CRB1: variants seen among roughly 807,000 people sequenced by gnomAD.
CRB1 encodes crumbs cell polarity complex component 1.
In CRB1, 83 loss-of-function variants were observed where a neutral mutation model predicts 120.0. That is an observed-to-expected ratio of 0.69 (90% CI 0.58 to 0.83). The LOEUF is 0.83. Among genes scored for constraint, CRB1 ranks in the 40% least tolerant of loss-of-function variants. The pLI is 0.00. For synonymous variants in CRB1, 625 were observed against 612.5 expected (o/e 1.02, Z -0.30); for missense variants, 1,699 against 1,687.6 (o/e 1.01, Z -0.12).
chr1:197,349,520 C>G (rs570525511), intron 4 of CRB1, among the ~76,000 whole-genome samples: 3 of 152,280 alleles, frequency 2.0e-5, no homozygotes, highest in African/African-American at 7.2e-5. Flanking sequence ...TCATCTGTCT[C>G]TCTCTCCCCA....
At chr1:197,324,814 T>C (rs539084017) in intron 1 of CRB1, among the ~76,000 whole-genome samples, 4 of 152,282 alleles carry the variant, frequency 2.6e-5, no homozygotes, top group African/African-American at 9.6e-5. Flanking sequence ...AGATGGTAAA[T>C]ACTAGAACCA....
chr1:197,344,864 A>G (rs1468246403), intron 3 of CRB1, among the ~76,000 whole-genome samples: 1 of 152,226 alleles, frequency 6.6e-6, no homozygotes, highest in Non-Finnish European at 1.5e-5. Flanking sequence ...AATCCTTTTA[A>G]AGTGTTATAT....
the CRB1 span, among the ~76,000 whole-genome samples, chr1:197,227,917 C>T: frequency 1.3e-5 from 2 of 152,196 alleles, no homozygotes; most frequent in African/African-American, 2.4e-5. Flanking sequence ...TTCTGTGCAC[C>T]CACAAGCTCA....
At chr1:197,258,950 G>T in the CRB1 span, among the ~76,000 whole-genome samples, 1 of 152,146 alleles carries the variant, frequency 6.6e-6, no homozygotes, top group East Asian at 1.9e-4. Flanking sequence ...TATTGAAAAG[G>T]TATCAATTAT....
chr1:197,300,388 G>T (rs1389955487), intron 1 of CRB1, among the ~76,000 whole-genome samples: 1 of 151,942 alleles, frequency 6.6e-6, no homozygotes, highest in Non-Finnish European at 1.5e-5. Context: ...AAAAGTGAAA[G>T]AGCCTTTTTG....
At chr1:197,208,792 C>A in the CRB1 span, among the ~76,000 whole-genome samples, 7 of 152,122 alleles carry the variant, frequency 4.6e-5, no homozygotes, top group African/African-American at 1.7e-4. Flanking sequence ...ATAGAGCTCC[C>A]AAAGAACTAT....
chr1:197,374,806 C>A (rs1337199793), intron 5 of CRB1, among the ~76,000 whole-genome samples: 1 of 152,020 alleles, frequency 6.6e-6, no homozygotes, highest in Non-Finnish European at 1.5e-5. Context: ...TCTTTCAGTA[C>A]TCCTTGACTC....
At chr1:197,317,662 A>T (rs1213990093) in intron 1 of CRB1, among the ~76,000 whole-genome samples, 1 of 152,176 alleles carries the variant, frequency 6.6e-6, no homozygotes, top group African/African-American at 2.4e-5. Flanking sequence ...TAGACTAATG[A>T]ACTGAATAGA....
At chr1:197,350,778 T>C (rs1031044681) in intron 4 of CRB1, among the ~76,000 whole-genome samples, 1 of 152,178 alleles carries the variant, frequency 6.6e-6, no homozygotes, top group Non-Finnish European at 1.5e-5. Context: ...GTTCCATAAA[T>C]GTATTCACTA....
the CRB1 span, chr1:197,222,275 G>C: frequency 1.7e-6 from 1 of 589,186 alleles, no homozygotes; most frequent in East Asian, 3.5e-5. Flanking sequence ...GAGGGAACGA[G>C]TTTAGTTCTT....
chr1:197,268,476 A>G lies in CRB1; in HGVS notation c.64A>G (p.Ile22Val), dbSNP rs774989883. The stretch of plus-strand genomic sequence containing the variant: ...CCTCAGTTTCTCACTGCTTATCTAC[A>G]TAAAAAGTAAGCCTTTCCCACTTTG... ...FYLSFSLLIYIKNSFCNKNNT... is the reference protein window; with the variant it reads ...FYLSFSLLIYVKNSFCNKNNT... The change falls in exon 1 of 12, where the codon ATA becomes GTA. Residue 22 changes from isoleucine (I) to valine (V), a missense_variant. Ile to Val is a conservative substitution (Grantham distance 29). Coordinates refer to ENST00000367400, the MANE Select transcript of CRB1 (RefSeq NM_201253.3). 1 of 1,610,068 alleles carries G rather than the reference A, an allele frequency of 6.2e-7. No homozygotes were observed. Among genetic ancestry groups the G allele is most frequent in the Non-Finnish European group, 8.5e-7 (1 of 1,176,324 alleles).
At chr1:197,211,966 T>C in the CRB1 span, among the ~76,000 whole-genome samples, 1 of 151,942 alleles carries the variant, frequency 6.6e-6, no homozygotes, top group African/African-American at 2.4e-5. Flanking sequence ...TAATATAAAA[T>C]GAAAAAAATA....
chr1:197,450,579 A>G (rs1478768719), intron 11 of CRB1, among the ~76,000 whole-genome samples: 2 of 152,086 alleles, frequency 1.3e-5, no homozygotes, highest in Admixed American at 6.6e-5. Flanking sequence ...TAAGGAAAGC[A>G]TGAAACTGCC....
the CRB1 span, among the ~76,000 whole-genome samples, chr1:197,257,366 C>CA: frequency 6.6e-6 from 1 of 152,118 alleles, no homozygotes; most frequent in Non-Finnish European, 1.5e-5. Context: ...GAAACACCCC[C>CA]ATTACACACC....
intron 11 of CRB1, among the ~76,000 whole-genome samples, chr1:197,449,241 T>A (rs1030773665): frequency 1.3e-5 from 2 of 152,226 alleles, no homozygotes; most frequent in African/African-American, 2.4e-5. Flanking sequence ...CTTTTGTATA[T>A]AAGTTTCATT....
At chr1:197,321,331 T>C (rs776061128) in intron 1 of CRB1, among the ~76,000 whole-genome samples, 7 of 152,228 alleles carry the variant, frequency 4.6e-5, no homozygotes, top group Non-Finnish European at 1.0e-4. Context: ...GCCATGGGGC[T>C]TTTAGCTGAA....
chr1:197,353,831 A>C (rs553238098), intron 4 of CRB1, among the ~76,000 whole-genome samples: 5,971 of 150,760 alleles, frequency 0.04, 305 homozygotes, highest in African/African-American at 0.11. Context: ...AAAAAAAAAA[A>C]AAAAAACTTT....
At chr1:197,394,477 T>C (rs1420582042) in intron 5 of CRB1, among the ~76,000 whole-genome samples, 1 of 152,010 alleles carries the variant, frequency 6.6e-6, no homozygotes, top group Non-Finnish European at 1.5e-5. Flanking sequence ...CCAGCCCCCA[T>C]GATGTTCAAG....
At chr1:197,232,382 C>T in the CRB1 span, among the ~76,000 whole-genome samples, 4 of 151,802 alleles carry the variant, frequency 2.6e-5, no homozygotes, top group African/African-American at 4.8e-5. Context: ...CTAAGACAAC[C>T]GAGATAAAAT....
Sources: gnomAD v4.1 joint callset for allele counts (sites outside exome capture counted in the v4.1 genomes callset) on GRCh38, gnomAD v4.1.1 for gene constraint, MANE v1.5 for transcripts, NCBI Gene and HGNC (gene_info 2026-07-23, HGNC 2026-07-21) for gene names.